The following KAT2A variants were observed in gnomAD, a reference collection of about 807,000 sequenced individuals.
KAT2A encodes histone acetyltransferase KAT2A.
In KAT2A, 42 loss-of-function variants were observed where a neutral mutation model predicts 95.2. The ratio of observed to expected loss-of-function variants is 0.44; its 90% confidence interval spans 0.34 to 0.57. KAT2A has a LOEUF of 0.57. Ranked by LOEUF, KAT2A falls within the 20% of genes least tolerant of loss-of-function variation. The probability of loss-of-function intolerance (pLI) is 0.01; values close to 1 mark genes in which losing one functional copy is unlikely to be tolerated. For missense variants in KAT2A, 784 were observed against 1,126.3 expected (o/e 0.70, Z 4.35); for synonymous variants, 449 against 448.2 (o/e 1.00, Z -0.02).
At position 42,119,510 on chromosome 17, in the gene KAT2A, C is replaced by T. The variant is rs2054306446; in HGVS notation, c.881+27G>A. ...ACCCAGGCTGGGCCTGCAAGCCTCC[C>T]CCGAAGCTGCCCCTGGCTGGGCCTA... On this transcript the variant is annotated intron_variant, in intron 5 of 17. Transcript: ENST00000225916. This position sits in a 1 kb window ranked among gnomAD's most constrained non-coding sequence, Gnocchi z 5.3. The T allele has an allele frequency of 6.3e-7, 1 of 1,580,648 alleles. No individual in the cohort carries two copies. The highest frequency in any genetic ancestry group is 8.6e-7 in the Non-Finnish European group (1 of 1,160,114).
At position 42,117,076 on chromosome 17, in the gene KAT2A, C is replaced by T. The variant is rs1598230715; in HGVS notation, c.1723G>A (p.Glu575Lys). The change falls in exon 11 of 18, where the codon GAG (glutamate) becomes AAG (lysine). Residue 575 changes from glutamate to lysine, a missense_variant. Coordinates refer to ENST00000225916, the MANE Select transcript of KAT2A (RefSeq NM_021078.3). The surrounding 1 kb of genome is among the most constrained non-coding windows in gnomAD (Gnocchi z 8.9). ...GAGGTGACAGCACAGAAGACAATCT[C>T]CGTGAAGCCCTGGGTGGGAAACATG... ...FRMFPTQGFTEIVFCAVTSNE... is the reference protein window; with the variant it reads ...FRMFPTQGFTKIVFCAVTSNE... The T allele has an allele frequency of 6.2e-7, 1 of 1,614,168 alleles. No homozygotes were observed. The highest frequency in any genetic ancestry group is 8.5e-7 in the Non-Finnish European group (1 of 1,180,038).
rs1568013507 is a variant in KAT2A, at chr17:42,120,816, CA to C, written c.352del (p.Cys118ValfsTer26). 6.2e-7 allele frequency: 1 copy of C among 1,611,914 alleles called. No individual in the cohort carries two copies. The highest frequency in any genetic ancestry group is 8.5e-7 in the Non-Finnish European group (1 of 1,178,872). On this transcript the variant is annotated frameshift_variant, in exon 2 of 18. Transcript: ENST00000225916. LOFTEE classifies it high-confidence loss of function. Reference protein sequence around the residue: ...VFSACKANETCKCNGWKNPKP... With the variant: ...VFSACKANETXKCNGWKNPKP... Reference sequence around the variant, plus strand: ...GGGGTTTTTCCAGCCATTACACTTACAGGTTTCATTGGCCTGGAGGTGGAAG... The same window carrying C: ...GGGGTTTTTCCAGCCATTACACTTACGGTTTCATTGGCCTGGAGGTGGAAG...
chr17:42,118,199 G>A, intron 7 of KAT2A, 98 bp downstream of exon 7: 2 of 1,001,884 alleles, frequency 2.0e-6, no homozygotes, highest in South Asian at 1.4e-5. Context: ...CCCTCAGTGG[G>A]ATCCAGGGCC....
rs201812528 is a variant in KAT2A at position 42,114,132 on chromosome 17, G to A, written c.2236-48C>T. 37 of 1,573,346 alleles carry A rather than the reference G, an allele frequency of 2.4e-5. No homozygotes were observed. Among genetic ancestry groups the A allele is most frequent in the African/African-American group, 4.1e-5 (3 of 72,520 alleles). On this transcript the variant is annotated intron_variant, in intron 16 of 17. Transcript: ENST00000225916. This position sits in a 1 kb window ranked among gnomAD's most constrained non-coding sequence, Gnocchi z 6.0. ...GGACAGCCCTGCTGCGCCCACGCCA[G>A]CCCGAGACCACTACCCACCCCACAC...
At position 42,120,968 on chromosome 17, in the gene KAT2A, T is replaced by C; in HGVS notation, c.337A>G (p.Lys113Glu). The C allele has an allele frequency of 6.4e-7, 1 of 1,574,580 alleles. No individual in the cohort carries two copies. Among genetic ancestry groups the C allele is most frequent in the Non-Finnish European group, 8.6e-7 (1 of 1,160,502 alleles). Residue 113 changes from lysine (K) to glutamate (E), a missense_variant and splice_region_variant, in exon 1 of 18, where the codon AAG (lysine) becomes GAG (glutamate). Physicochemically the swap from Lys to Glu is moderately conservative, Grantham distance 56. Coordinates refer to ENST00000225916, the MANE Select transcript of KAT2A (RefSeq NM_021078.3). ...LEKLGVFSAC[K>E]ANETCKCNGW... The stretch of plus-strand genomic sequence containing the variant: ...TTCACCCCAGGCCCCGCCCCCACCT[T>C]GCAAGCCGAGAAGACCCCTAGCTTC...
rs1555666384 is a variant in KAT2A at position 42,117,904 on chromosome 17, C to T, written c.1291+3G>A. ...GGTCAGAGGTCAGGGGTCAAGTATC[C>T]ACCTGGCATAGGCTCGGCCCCTGCA... is the stretch of plus-strand genomic sequence containing the variant. On this transcript the variant is annotated splice_donor_region_variant and intron_variant, in intron 8 of 17. Transcript: ENST00000225916. This position sits in a 1 kb window ranked among gnomAD's most constrained non-coding sequence, Gnocchi z 8.9. 1.9e-6 allele frequency: 3 copies of T among 1,598,146 alleles called. No individual in the cohort carries two copies. The East Asian group carries it at 6.7e-5, about 36-fold the overall frequency.
Position 42,119,557 on chromosome 17 carries a change from G to T in KAT2A, c.861C>A (p.Thr287=). ...RQRSQAEDVA[T]YKVNYTRWLC... is the part of the protein sequence containing the mutation. Reference sequence around the variant, plus strand: ...CCTACCTGGTGTAATTGACCTTGTAGGTAGCCACGTCCTCAGCCTGAGACC... The same window carrying T: ...CCTACCTGGTGTAATTGACCTTGTATGTAGCCACGTCCTCAGCCTGAGACC... Residue 287 remains threonine (T), a synonymous_variant, in exon 5 of 18, where the codon ACC becomes ACA. Coordinates refer to ENST00000225916, the MANE Select transcript of KAT2A (RefSeq NM_021078.3). The surrounding 1 kb of genome is among the most constrained non-coding windows in gnomAD (Gnocchi z 5.3). 6.2e-7 allele frequency: 1 copy of T among 1,600,288 alleles called. No individual in the cohort carries two copies. The highest frequency in any genetic ancestry group is 8.5e-7 in the Non-Finnish European group (1 of 1,172,634).
chr17:42,119,109 C>A lies in KAT2A; in HGVS notation c.1073+136G>T. Reference sequence around the variant, plus strand: ...GCTTCTGGGCCATGGGCAAGTCTGCCAGGTAGACGCCCAGATCCCAAAAGG... The same window carrying A: ...GCTTCTGGGCCATGGGCAAGTCTGCAAGGTAGACGCCCAGATCCCAAAAGG... On this transcript the variant is annotated intron_variant, in intron 6 of 17. Coordinates refer to ENST00000225916, the MANE Select transcript of KAT2A (RefSeq NM_021078.3). The surrounding 1 kb of genome is among the most constrained non-coding windows in gnomAD (Gnocchi z 5.3). 1 of 1,500,452 alleles carries A rather than the reference C, an allele frequency of 6.7e-7. No individual in the cohort carries two copies. Among genetic ancestry groups the A allele is most frequent in the Non-Finnish European group, 8.9e-7 (1 of 1,126,450 alleles). 92.9% of individuals were successfully genotyped at this position (1,500,452 alleles called of 1,614,324 possible).
In KAT2A at chr17:42,114,694, C is replaced by CA; in HGVS notation, c.2020-91dup. On this transcript the variant is annotated intron_variant, in intron 13 of 17. Transcript: ENST00000225916. The surrounding 1 kb of genome is among the most constrained non-coding windows in gnomAD (Gnocchi z 6.0). ...GTCGGAGCCACTGGCTGCACCCACC[C>CA]AGCTGCAACGCCACCTAATCCAGCA... 7.9e-7 allele frequency: 1 copy of CA among 1,263,604 alleles called. No individual in the cohort carries two copies. Among genetic ancestry groups the CA allele is most frequent in the Admixed American group, 1.8e-5 (1 of 54,300 alleles). The allele number at this position is 1,263,604 out of a possible 1,614,324, so 78.3% of individuals were successfully genotyped here. A position where few individuals can be genotyped will look rare whatever the true frequency, so the allele number is the denominator to read the frequency against.
rs782360414 is a variant in KAT2A at position 42,113,760 on chromosome 17, G to A, written c.2403C>T (p.Ile801=). ...KLFVADLQRV[I]ANCREYNPPD... ...GGGGGTTGTACTCGCGACAGTTGGC[G>A]ATGACCCGCTGCAGGTCGGCCACAA... Residue 801 remains isoleucine, a synonymous_variant, in exon 18 of 18, where the codon ATC becomes ATT. Coordinates refer to ENST00000225916, the MANE Select transcript of KAT2A (RefSeq NM_021078.3). 1.3e-5 allele frequency: 21 copies of A among 1,610,674 alleles called. No individual in the cohort carries two copies. The highest frequency in any genetic ancestry group is 1.7e-5 in the Non-Finnish European group (20 of 1,178,952).
Position 42,117,586 on chromosome 17 carries a change from A to G in KAT2A, c.1439T>C (p.Leu480Pro), listed in dbSNP as rs1555666265. 1.2e-6 allele frequency: 2 copies of G among 1,612,580 alleles called. No homozygotes were observed. The highest frequency in any genetic ancestry group is 1.1e-5 in the South Asian group (1 of 91,002). ...CTCATCCCGGGCCGCATTGGCCGAA[A>G]GCAGGCTCGTCTGGGCACAGAAGAG... is the stretch of plus-strand genomic sequence containing the variant. The part of the protein sequence containing the change: ...AAMLGPETSL[L>P]SANAARDETA... Residue 480 changes from leucine to proline, a missense_variant, in exon 10 of 18, where the codon CTT (leucine) becomes CCT (proline). By Grantham distance (98) the Leu-to-Pro change is moderately conservative (BLOSUM62 -3). Around this residue, in one of 6 missense-constraint regions of KAT2A, gnomAD observed 174 missense variants for 324.9 expected, o/e 0.54. Coordinates refer to ENST00000225916, the MANE Select transcript of KAT2A (RefSeq NM_021078.3). This position sits in a 1 kb window ranked among gnomAD's most constrained non-coding sequence, Gnocchi z 8.9.
Position 42,119,336 on chromosome 17 carries a change from C to T in KAT2A, c.982G>A (p.Val328Ile), listed in dbSNP as rs782687964. The T allele has an allele frequency of 1.8e-5, 29 of 1,613,922 alleles. No homozygotes were observed. The highest frequency in any genetic ancestry group is 2.2e-5 in the East Asian group (1 of 44,900). Reference sequence around the variant, plus strand: ...TTTTCCAGCAGCTGCCGGCGGGTAACGGTGAAAATGGACCGGAGAAGGCTT... The same window carrying T: ...TTTTCCAGCAGCTGCCGGCGGGTAATGGTGAAAATGGACCGGAGAAGGCTT... ...GRSLLRSIFT[V>I]TRRQLLEKFR... The change falls in exon 6 of 18, where the codon GTT (valine) becomes ATT (isoleucine). Residue 328 changes from valine (V) to isoleucine (I), a missense_variant. Physicochemically the swap from Val to Ile is conservative, Grantham distance 29. Coordinates refer to ENST00000225916, the MANE Select transcript of KAT2A (RefSeq NM_021078.3). The surrounding 1 kb of genome is among the most constrained non-coding windows in gnomAD (Gnocchi z 5.3).
At position 42,114,012 on chromosome 17, in the gene KAT2A, G is replaced by A. The variant is rs1261191492; in HGVS notation, c.2308C>T (p.Arg770Cys). The change falls in exon 17 of 18, where the codon CGC (arginine) becomes TGC (cysteine). Residue 770 changes from arginine to cysteine, a missense_variant. This residue lies in a region of KAT2A where 195 missense variants were observed against 247.1 expected (regional missense o/e 0.79). Transcript: ENST00000225916. This position sits in a 1 kb window ranked among gnomAD's most constrained non-coding sequence, Gnocchi z 6.0. ...GGAAGGTCCTCACCAATGGGGAAGCGGATGACCTCGTAGTAGTCAGGGGCC... is the reference window on the plus strand; with the variant it reads ...GGAAGGTCCTCACCAATGGGGAAGCAGATGACCTCGTAGTAGTCAGGGGCC... ...SEAPDYYEVI[R>C]FPIDLKTMTE... 3.3e-6 allele frequency: 5 copies of A among 1,515,692 alleles called. No individual in the cohort carries two copies. The highest frequency in any genetic ancestry group is 4.4e-6 in the Non-Finnish European group (5 of 1,136,520). 93.9% of individuals were successfully genotyped at this position (1,515,692 alleles called of 1,614,324 possible).
At chr17:42,118,173 G>A in intron 7 of KAT2A, 124 bp downstream of exon 7, 1 of 842,510 alleles carries the variant, frequency 1.2e-6, no homozygotes, top group Non-Finnish European at 1.9e-6. Context: ...TGGGGGGGCT[G>A]AAGCCGGTGG....
rs1555667372 is a variant in KAT2A at position 42,121,292 on chromosome 17, A to G, written c.13T>C (p.Ser5Pro). MAEP[S>P]QAPTPAPAAQ... ...GCCGGGGCCGGGGTCGGGGCCTGGG[A>G]AGGTTCCGCCATGGCCTCCCCCGCA... Residue 5 changes from serine to proline, a missense_variant, in exon 1 of 18, where the codon TCC becomes CCC. Ser to Pro is a moderately conservative substitution (Grantham distance 74). Transcript: ENST00000225916. 1.5e-6 allele frequency: 2 copies of G among 1,375,150 alleles called. No individual in the cohort carries two copies. The highest frequency in any genetic ancestry group is 1.9e-6 in the Non-Finnish European group (2 of 1,072,096). The allele number at this position is 1,375,150 out of a possible 1,614,324, so 85.2% of individuals were successfully genotyped here.
At position 42,119,386 on chromosome 17, in the gene KAT2A, T is replaced by C. The variant is rs1555666805; in HGVS notation, c.932A>G (p.Tyr311Cys). 6.2e-7 allele frequency: 1 copy of C among 1,613,866 alleles called. No individual in the cohort carries two copies. ...TCGCCCAAAGACATGAGTGGTTTCG[T>C]AGCGGGGGAGGCTATCACAGCTCTG... is the stretch of plus-strand genomic sequence containing the variant. ...VPQSCDSLPR[Y>C]ETTHVFGRSL... is the part of the protein sequence containing the mutation. Residue 311 changes from tyrosine to cysteine, a missense_variant, in exon 6 of 18, where the codon TAC (tyrosine) becomes TGC (cysteine). Transcript: ENST00000225916. This position sits in a 1 kb window ranked among gnomAD's most constrained non-coding sequence, Gnocchi z 5.3.
rs782284182 is a variant in KAT2A, at chr17:42,114,089, A to C, written c.2236-5T>G. Reference sequence around the variant, plus strand: ...GGGCCAGGCACTGGGGTGAGACTGGAGAGAAGAGCCGGGCTGGGGACAGCC... The same window carrying C: ...GGGCCAGGCACTGGGGTGAGACTGGCGAGAAGAGCCGGGCTGGGGACAGCC... On this transcript the variant is annotated splice_polypyrimidine_tract_variant and splice_region_variant and intron_variant, in intron 16 of 17. Coordinates refer to ENST00000225916, the MANE Select transcript of KAT2A (RefSeq NM_021078.3). The surrounding 1 kb of genome is among the most constrained non-coding windows in gnomAD (Gnocchi z 6.0). 2.6e-6 allele frequency: 4 copies of C among 1,549,664 alleles called. No homozygotes were observed. The South Asian group carries it at 3.6e-5, about 14-fold the overall frequency.
chr17:42,113,820 C>T lies in KAT2A; in HGVS notation c.2343G>A (p.Arg781=). The part of the protein sequence containing the change: ...FPIDLKTMTE[R]LRSRYYVTRK... ...GGGTCACGTAGTAGCGGCTTCGCAG[C>T]CGCTCAGTCATGGTCTTCAGGTCTG... Residue 781 remains arginine (R), a synonymous_variant, in exon 18 of 18, where the codon CGG becomes CGA. Transcript: ENST00000225916. The T allele has an allele frequency of 6.3e-7, 1 of 1,598,414 alleles. No individual in the cohort carries two copies. The highest frequency in any genetic ancestry group is 8.5e-7 in the Non-Finnish European group (1 of 1,174,508).
At chr17:42,120,153 G>T in intron 3 of KAT2A, 34 bp from the exon 4 acceptor site, 2 of 1,613,350 alleles carry the variant, frequency 1.2e-6, no homozygotes, top group Non-Finnish European at 8.5e-7. Context: ...TAGAGGGGAG[G>T]GGGGCAGAGC....
Sources: gnomAD v4.1 joint callset for allele counts on GRCh38, gnomAD v4.1.1 for gene constraint, gnomAD v4.1.1 regional missense constraint, Gnocchi (gnomAD v3.1) non-coding constraint, MANE v1.5 for transcripts, NCBI Gene and HGNC (gene_info 2026-07-23, HGNC 2026-07-21) for gene names.